The following CDH13 variants were observed in gnomAD, a reference collection of about 807,000 sequenced individuals.
CDH13 encodes cadherin-13.
Under a neutral mutation model 63.8 loss-of-function variants are expected in CDH13, and 24 were observed. The ratio of observed to expected loss-of-function variants is 0.38; its 90% confidence interval spans 0.27 to 0.53. The LOEUF (loss-of-function observed/expected upper bound fraction) is 0.53, where lower values mean the gene tolerates loss of function less well. Among genes scored for constraint, CDH13 ranks in the 20% least tolerant of loss-of-function variants. The pLI is 0.85. For missense variants in CDH13, 1,049 were observed against 903.1 expected (o/e 1.16, Z -2.07); for synonymous variants, 503 against 355.3 (o/e 1.42, Z -4.67).
At position 83,204,076 on chromosome 16, in the gene CDH13, G is replaced by A. The variant is rs148935015; in HGVS notation, c.484-13269G>A. ...CTGGCTCTGCCACTGACATGGGCCT[G>A]AGATGAATGTTCCTGGGCCATGAAT... is the stretch of plus-strand genomic sequence containing the variant. On this transcript the variant is annotated intron_variant, in intron 4 of 13. Transcript: ENST00000567109. Among the ~76,000 whole-genome samples the A allele has an allele frequency of 5.5e-3, 836 of 152,352 alleles. 5 individuals carry two copies. The highest frequency in any genetic ancestry group is 0.01 in the Middle Eastern group (3 of 294).
chr16:83,356,478 C>A lies in CDH13; in HGVS notation c.781+11472C>A, dbSNP rs79417865. Among the ~76,000 whole-genome samples, 1,202 of 152,258 alleles carry A rather than the reference C, an allele frequency of 7.9e-3. 9 individuals carry two copies. The highest frequency in any genetic ancestry group is 0.012 in the Non-Finnish European group (801 of 68,016). On this transcript the variant is annotated intron_variant, in intron 6 of 13. Coordinates refer to ENST00000567109, the MANE Select transcript of CDH13 (RefSeq NM_001257.5). ...ATCAGTCAAGACAGGCCACAAATGT[C>A]AGAAAAGATTGATAATCAGCAGGGA...
At chr16:83,087,455 G>T (rs956814235) in intron 3 of CDH13, among the ~76,000 whole-genome samples, 1 of 151,966 alleles carries the variant, frequency 6.6e-6, no homozygotes, top group Non-Finnish European at 1.5e-5. Flanking sequence ...AGATCACGAG[G>T]TCAGGAGTTC....
At chr16:83,719,398 A>G (rs536205877) in intron 10 of CDH13, among the ~76,000 whole-genome samples, 1 of 152,218 alleles carries the variant, frequency 6.6e-6, no homozygotes, top group East Asian at 1.9e-4. Context: ...GGAGAGGGCG[A>G]CATGGGGAGG....
chr16:83,649,497 A>G (rs1912159653), intron 8 of CDH13, among the ~76,000 whole-genome samples: 1 of 152,056 alleles, frequency 6.6e-6, no homozygotes, highest in Non-Finnish European at 1.5e-5. Flanking sequence ...GTTGTTTTCT[A>G]ATTGGAGAGT....
At chr16:83,645,506 CAA>C (rs1911703060) in intron 8 of CDH13, among the ~76,000 whole-genome samples, 1 of 150,230 alleles carries the variant, frequency 6.7e-6, no homozygotes, top group East Asian at 2.0e-4. Context: ...CACCAAGAGA[CAA>C]TATACCCATA....
At chr16:82,847,216 A>C (rs2039298106) in intron 1 of CDH13, among the ~76,000 whole-genome samples, 2 of 152,264 alleles carry the variant, frequency 1.3e-5, no homozygotes, top group Admixed American at 1.3e-4. Flanking sequence ...ATTAGTTCCC[A>C]ATGGCTGCTG....
chr16:83,344,269 A>T (rs1412334605), intron 5 of CDH13, among the ~76,000 whole-genome samples: 1 of 152,226 alleles, frequency 6.6e-6, no homozygotes, highest in East Asian at 1.9e-4. Flanking sequence ...GAGATCTGAA[A>T]GTAGTTCCCT....
intron 10 of CDH13, among the ~76,000 whole-genome samples, chr16:83,741,514 G>GTA (rs386385265): frequency 6.6e-5 from 10 of 151,498 alleles, no homozygotes; most frequent in East Asian, 3.9e-4. Context: ...GTGTGTGTGT[G>GTA]TATATATATG....
intron 1 of CDH13, among the ~76,000 whole-genome samples, chr16:82,702,475 G>A (rs1015500789): frequency 4.6e-5 from 7 of 152,102 alleles, no homozygotes; most frequent in East Asian, 1.9e-4. Context: ...CACAGTGCAG[G>A]CACCATAAAT....
At chr16:82,888,908 G>C (rs2040982946) in intron 2 of CDH13, among the ~76,000 whole-genome samples, 1 of 152,162 alleles carries the variant, frequency 6.6e-6, no homozygotes, top group Non-Finnish European at 1.5e-5. Context: ...AGGGTGGATA[G>C]CTTTCGATTT....
intron 6 of CDH13, among the ~76,000 whole-genome samples, chr16:83,408,903 C>T (rs986371179): frequency 6.6e-6 from 1 of 152,060 alleles, no homozygotes; most frequent in African/African-American, 2.4e-5. Flanking sequence ...GAGACTAAGC[C>T]CAAGGCTGGG....
At chr16:83,005,365 C>G (rs899152596) in intron 2 of CDH13, among the ~76,000 whole-genome samples, 4 of 152,196 alleles carry the variant, frequency 2.6e-5, no homozygotes. Context: ...ATTCTCATCT[C>G]TTTCCAGTTC....
At chr16:82,752,607 C>G (rs2034462643) in intron 1 of CDH13, among the ~76,000 whole-genome samples, 1 of 152,196 alleles carries the variant, frequency 6.6e-6, no homozygotes, top group Non-Finnish European at 1.5e-5. Context: ...GTGCAAGTAA[C>G]AAACACCTAC....
At chr16:83,009,326 C>G (rs1023956711) in intron 2 of CDH13, among the ~76,000 whole-genome samples, 9 of 152,192 alleles carry the variant, frequency 5.9e-5, no homozygotes, top group Admixed American at 2.6e-4. Context: ...TAAGAGGTGT[C>G]TCTTTCATTT....
chr16:82,707,665 G>T (rs1365302879), intron 1 of CDH13, among the ~76,000 whole-genome samples: 1 of 152,162 alleles, frequency 6.6e-6, no homozygotes, highest in Non-Finnish European at 1.5e-5. Flanking sequence ...CTCCAACATG[G>T]TTTTGGTAAC....
intron 2 of CDH13, among the ~76,000 whole-genome samples, chr16:82,945,221 G>A (rs1904571624): frequency 1.3e-5 from 2 of 152,166 alleles, no homozygotes; most frequent in African/African-American, 2.4e-5. Flanking sequence ...AAGTTTCTGT[G>A]GCAGTCACTC....
At chr16:82,926,298 A>G in intron 2 of CDH13, among the ~76,000 whole-genome samples, 1 of 151,142 alleles carries the variant, frequency 6.6e-6, no homozygotes, top group South Asian at 2.1e-4. Flanking sequence ...AAAAAAAAAG[A>G]AAAAAAAAGG....
chr16:83,564,216 A>T (rs1331407253), intron 7 of CDH13, among the ~76,000 whole-genome samples: 1 of 152,050 alleles, frequency 6.6e-6, no homozygotes, highest in Non-Finnish European at 1.5e-5. Flanking sequence ...CAGAGATGAA[A>T]ATTGGACCGA....
chr16:83,212,720 A>C (rs1041406468), intron 4 of CDH13, among the ~76,000 whole-genome samples: 1 of 152,198 alleles, frequency 6.6e-6, no homozygotes, highest in South Asian at 2.1e-4. Flanking sequence ...AGTGGTCTTC[A>C]AACTTGGGTA....
Sources: allele counts gnomAD v4.1 joint callset (sites outside exome capture counted in the v4.1 genomes callset), GRCh38; gene constraint gnomAD v4.1.1; transcripts MANE v1.5; gene names NCBI Gene and HGNC (gene_info 2026-07-23, HGNC 2026-07-21).